Variants in FHIT observed in about 807,000 individuals in gnomAD.
FHIT encodes the protein bis(5'-adenosyl)-triphosphatase.
Under a neutral mutation model 17.9 loss-of-function variants are expected in FHIT, and 19 were observed. The ratio of observed to expected loss-of-function variants is 1.06; its 90% confidence interval spans 0.74 to 1.56. The LOEUF (loss-of-function observed/expected upper bound fraction) is 1.56. Among genes scored for constraint, FHIT ranks in the 40% most tolerant of loss-of-function variants. The pLI, the probability that FHIT is intolerant of heterozygous loss-of-function variation, is 0.00. For missense variants in FHIT, 248 were observed against 189.2 expected (o/e 1.31, Z -1.82); for synonymous variants, 81 against 69.7 (o/e 1.16, Z -0.81).
intron 5 of FHIT, among the ~76,000 whole-genome samples, chr3:60,060,811 A>C (rs1420233901): frequency 6.6e-6 from 1 of 152,210 alleles, no homozygotes; most frequent in African/African-American, 2.4e-5. Flanking sequence ...ACAGAGGGAA[A>C]AATCTTGTTT....
chr3:60,859,926 C>A (rs1703568254), intron 3 of FHIT, among the ~76,000 whole-genome samples: 1 of 149,820 alleles, frequency 6.7e-6, no homozygotes, highest in Non-Finnish European at 1.5e-5. Flanking sequence ...TGCCTGTAAT[C>A]CCAGCTACTG....
intron 7 of FHIT, among the ~76,000 whole-genome samples, chr3:59,994,486 C>T (rs951406345): frequency 1.1e-4 from 17 of 152,160 alleles, no homozygotes; most frequent in South Asian, 8.3e-4. Context: ...AATCCCATGC[C>T]GCATCTGACA....
intron 2 of FHIT, among the ~76,000 whole-genome samples, chr3:61,134,988 G>T (rs2036871792): frequency 6.6e-6 from 1 of 152,146 alleles, no homozygotes; most frequent in African/African-American, 2.4e-5. Flanking sequence ...TGCCCTTGGG[G>T]AAGAAAGCAG....
intron 7 of FHIT, among the ~76,000 whole-genome samples, chr3:59,931,306 G>A (rs1480968580): frequency 6.6e-6 from 1 of 152,124 alleles, no homozygotes; most frequent in Non-Finnish European, 1.5e-5. Flanking sequence ...CTACATGGCT[G>A]GATTTCGCCT....
chr3:60,556,253 G>C (rs1025137843), intron 4 of FHIT, among the ~76,000 whole-genome samples: 1 of 152,178 alleles, frequency 6.6e-6, no homozygotes, highest in Admixed American at 6.5e-5. Flanking sequence ...CAAATGTTAA[G>C]TGACATCTAT....
intron 5 of FHIT, among the ~76,000 whole-genome samples, chr3:60,291,582 C>A (rs149730213): frequency 6.6e-6 from 1 of 152,100 alleles, no homozygotes; most frequent in Non-Finnish European, 1.5e-5. Context: ...GTTTTCAGCT[C>A]GATTTTTCAG....
At chr3:60,886,843 G>A (rs1429437322) in intron 3 of FHIT, among the ~76,000 whole-genome samples, 2 of 152,046 alleles carry the variant, frequency 1.3e-5, no homozygotes, top group African/African-American at 4.8e-5. Context: ...CAGTAGAAAG[G>A]CTATCTAGAC....
chr3:60,234,957 C>T (rs17062567), intron 5 of FHIT, among the ~76,000 whole-genome samples: 8,316 of 152,104 alleles, frequency 0.055, 225 homozygotes, highest in Middle Eastern at 0.11. Context: ...TTTAATATAC[C>T]TACTTTCCCA....
chr3:60,704,754 G>C (rs1364269555), intron 4 of FHIT, among the ~76,000 whole-genome samples: 1 of 152,054 alleles, frequency 6.6e-6, no homozygotes, highest in Non-Finnish European at 1.5e-5. Flanking sequence ...CTTCCTTACT[G>C]GTCAGTCGTC....
At chr3:60,168,212 A>C (rs1051551219) in intron 5 of FHIT, among the ~76,000 whole-genome samples, 2 of 152,212 alleles carry the variant, frequency 1.3e-5, no homozygotes, top group Non-Finnish European at 1.5e-5. Context: ...GGATGAATGA[A>C]TGAAACAAGA....
chr3:60,911,420 A>G (rs1706738678), intron 3 of FHIT, among the ~76,000 whole-genome samples: 1 of 150,680 alleles, frequency 6.6e-6, no homozygotes. Flanking sequence ...CACTACCACC[A>G]CCATCATTTT....
intron 5 of FHIT, among the ~76,000 whole-genome samples, chr3:60,316,449 TA>T: frequency 6.6e-6 from 1 of 152,316 alleles, no homozygotes; most frequent in East Asian, 1.9e-4. Flanking sequence ...GCCTATTCAT[TA>T]AGCATTTAGG....
chr3:59,912,400 C>T (rs1194759981), intron 8 of FHIT, among the ~76,000 whole-genome samples: 2 of 152,212 alleles, frequency 1.3e-5, no homozygotes, highest in African/African-American at 2.4e-5. Flanking sequence ...AATTCAGCCT[C>T]AGTCTTCAAT....
At chr3:61,158,463 T>C (rs1287991490) in intron 2 of FHIT, among the ~76,000 whole-genome samples, 1 of 152,178 alleles carries the variant, frequency 6.6e-6, no homozygotes, top group Non-Finnish European at 1.5e-5. Context: ...GGGAGATTTG[T>C]CTAACTAAAT....
At chr3:61,215,767 A>C (rs2039653765) in intron 1 of FHIT, among the ~76,000 whole-genome samples, 1 of 152,218 alleles carries the variant, frequency 6.6e-6, no homozygotes, top group South Asian at 2.1e-4. Flanking sequence ...ACAGTAACCA[A>C]AACAGCATGG....
chr3:59,824,982 C>T (rs1700925308), intron 8 of FHIT, among the ~76,000 whole-genome samples: 2 of 152,180 alleles, frequency 1.3e-5, no homozygotes, highest in Non-Finnish European at 1.5e-5. Context: ...GCTACTTCTG[C>T]AAAGAGGTTT....
chr3:60,626,805 C>CT (rs34696094), intron 4 of FHIT, among the ~76,000 whole-genome samples: 99,530 of 135,730 alleles, frequency 0.73, 36,285 homozygotes, highest in East Asian at 0.84. Flanking sequence ...TTTTTTTTTA[C>CT]GTTAAGTATG....
At chr3:60,763,236 T>A (rs1699721588) in intron 4 of FHIT, among the ~76,000 whole-genome samples, 1 of 152,186 alleles carries the variant, frequency 6.6e-6, no homozygotes, top group Non-Finnish European at 1.5e-5. Context: ...ATGATAGGGA[T>A]CATTATCATG....
chr3:60,382,416 C>T (rs1216923565), intron 5 of FHIT, among the ~76,000 whole-genome samples: 3 of 152,202 alleles, frequency 2.0e-5, no homozygotes, highest in African/African-American at 4.8e-5. Flanking sequence ...TTCAGGCATA[C>T]AGAGTTAAAT....
Sources: allele counts gnomAD v4.1 joint callset (sites outside exome capture counted in the v4.1 genomes callset), GRCh38; gene constraint gnomAD v4.1.1; transcripts MANE v1.5; gene names NCBI Gene and HGNC (gene_info 2026-07-23, HGNC 2026-07-21).